MGAT4C: variants seen among roughly 807,000 people sequenced by gnomAD.
MGAT4C encodes the protein MGAT4 family member C.
Under a neutral mutation model 40.1 loss-of-function variants are expected in MGAT4C, and 19 were observed. That is an observed-to-expected ratio of 0.47 (90% CI 0.33 to 0.70). MGAT4C has a LOEUF of 0.70. Among genes scored for constraint, MGAT4C ranks in the 30% least tolerant of loss-of-function variants. The probability of loss-of-function intolerance (pLI) is 0.02; values close to 1 mark genes in which losing one functional copy is unlikely to be tolerated. For missense variants in MGAT4C, 491 were observed against 563.2 expected (o/e 0.87, Z 1.30); for synonymous variants, 181 against 187.1 (o/e 0.97, Z 0.27).
chr12:86,168,059 G>A (rs1886381470), intron 1 of MGAT4C, among the ~76,000 whole-genome samples: 1 of 152,104 alleles, frequency 6.6e-6, no homozygotes. Context: ...AAACTAATTG[G>A]ATTTAAATAT....
intron 2 of MGAT4C, among the ~76,000 whole-genome samples, chr12:86,649,730 T>G (rs1963645141): frequency 6.6e-6 from 1 of 151,824 alleles, no homozygotes; most frequent in Non-Finnish European, 1.5e-5. Flanking sequence ...GGCCGTTATT[T>G]TATGTATTCT....
At chr12:86,320,786 T>C (rs1954365844) in intron 4 of MGAT4C, among the ~76,000 whole-genome samples, 1 of 152,156 alleles carries the variant, frequency 6.6e-6, no homozygotes, top group African/African-American at 2.4e-5. Flanking sequence ...TAGGCATGAA[T>C]CCCTTACTAA....
intron 3 of MGAT4C, among the ~76,000 whole-genome samples, chr12:86,422,420 T>C (rs1592826711): frequency 6.6e-6 from 1 of 152,190 alleles, no homozygotes; most frequent in African/African-American, 2.4e-5. Context: ...AGAACATCAG[T>C]ATCACTGAAA....
intron 1 of MGAT4C, among the ~76,000 whole-genome samples, chr12:86,805,265 A>C (rs2136208800): frequency 6.6e-6 from 1 of 151,946 alleles, no homozygotes; most frequent in Non-Finnish European, 1.5e-5. Flanking sequence ...CAGATTTGTT[A>C]CCTGGGTATA....
intron 3 of MGAT4C, among the ~76,000 whole-genome samples, chr12:86,431,055 G>A (rs61949522): frequency 0.099 from 15,010 of 152,254 alleles, 1,002 homozygotes; most frequent in Middle Eastern, 0.25. Context: ...GGAGGAGATT[G>A]GCATCTCCTT....
intron 1 of MGAT4C, among the ~76,000 whole-genome samples, chr12:86,838,324 A>T (rs1390182154): frequency 6.6e-6 from 1 of 152,214 alleles, no homozygotes; most frequent in Non-Finnish European, 1.5e-5. Flanking sequence ...ACATATGGGT[A>T]AGTGAGTTTC....
intron 1 of MGAT4C, among the ~76,000 whole-genome samples, chr12:86,780,835 A>G (rs899819257): frequency 2.6e-5 from 4 of 152,032 alleles, no homozygotes; most frequent in East Asian, 1.9e-4. Flanking sequence ...TGAGTCTCCA[A>G]TGTCTGTTAT....
chr12:86,267,467 A>G (rs879719294), intron 4 of MGAT4C, among the ~76,000 whole-genome samples: 3 of 152,184 alleles, frequency 2.0e-5, no homozygotes, highest in Non-Finnish European at 2.9e-5. Flanking sequence ...AAGTGGCACC[A>G]CTTCAAAATT....
chr12:86,037,841 T>A (rs905530983), intron 2 of MGAT4C, among the ~76,000 whole-genome samples: 3 of 149,770 alleles, frequency 2.0e-5, no homozygotes, highest in African/African-American at 4.9e-5. Context: ...GCCCTGGATA[T>A]CCTTGTGAAT....
At chr12:86,489,640 T>A (rs1214763113) in intron 2 of MGAT4C, among the ~76,000 whole-genome samples, 3 of 152,202 alleles carry the variant, frequency 2.0e-5, no homozygotes, top group Non-Finnish European at 4.4e-5. Flanking sequence ...TAACTCCTGC[T>A]GGCACTGAAG....
In MGAT4C at chr12:86,408,479, C is replaced by CTCTCTCTA. The variant is rs1267344319; in HGVS notation, c.-120+26677_-120+26678insTAGAGAGA. Among the ~76,000 whole-genome samples, 203 of 63,336 alleles carry CTCTCTCTA rather than the reference C, an allele frequency of 3.2e-3. 1 individual carries two copies. The highest frequency in any genetic ancestry group is 5.6e-3 in the East Asian group (10 of 1,780). 41.6% of individuals were successfully genotyped at this position (63,336 alleles called of 152,430 possible). On this transcript the variant is annotated intron_variant, in intron 3 of 7. Transcript: ENST00000548651. Reference sequence around the variant, plus strand: ...TCTCTCTCTCTCTCTCTCTCTCTCTCTATATATATATATATATATATATAT... The same window carrying CTCTCTCTA: ...TCTCTCTCTCTCTCTCTCTCTCTCTCTCTCTCTATATATATATATATATATATATATAT...
Position 86,632,525 on chromosome 12 carries a change from G to T in MGAT4C, c.-229+94684C>A, listed in dbSNP as rs1346809216. 2.2e-4 allele frequency among the ~76,000 whole-genome samples: 33 copies of T among 152,076 alleles called. 1 individual carries two copies. Among genetic ancestry groups the T allele is most frequent in the Admixed American group, 2.1e-3 (32 of 15,254 alleles). ...CCAGCCCAAATGTCCATCAATGATAGACTGGATTAAGAAAATGGGCACATA... is the reference window on the plus strand; with the variant it reads ...CCAGCCCAAATGTCCATCAATGATATACTGGATTAAGAAAATGGGCACATA... On this transcript the variant is annotated intron_variant, in intron 2 of 7. Coordinates refer to the MGAT4C transcript ENST00000548651.
intron 2 of MGAT4C, among the ~76,000 whole-genome samples, chr12:86,443,738 C>T (rs1352623299): frequency 1.3e-5 from 2 of 152,050 alleles, no homozygotes; most frequent in Non-Finnish European, 2.9e-5. Flanking sequence ...GGACTACAGG[C>T]GCCTGCCACC....
intron 1 of MGAT4C, among the ~76,000 whole-genome samples, chr12:86,248,216 TTCCTTCC>T (rs1952119429): frequency 5.4e-5 from 8 of 149,398 alleles, no homozygotes; most frequent in African/African-American, 1.8e-4. Context: ...CCTTCCTTCC[TTCCTTCC>T]TTCCTTCCTT....
intron 1 of MGAT4C, among the ~76,000 whole-genome samples, chr12:86,212,632 T>C (rs1435900825): frequency 6.6e-6 from 1 of 150,472 alleles, no homozygotes; most frequent in Non-Finnish European, 1.5e-5. Context: ...CTCACGCCTG[T>C]AATCCCAGCA....
chr12:86,597,515 A>G (rs1961588727), intron 2 of MGAT4C, among the ~76,000 whole-genome samples: 1 of 152,216 alleles, frequency 6.6e-6, no homozygotes. Flanking sequence ...AGAATCATGT[A>G]GACTCTGTTA....
chr12:86,627,664 A>C (rs186786811), intron 2 of MGAT4C, among the ~76,000 whole-genome samples: 1 of 152,196 alleles, frequency 6.6e-6, no homozygotes, highest in African/African-American at 2.4e-5. Context: ...GACTGTTAGG[A>C]GGAAAACTAT....
Position 85,972,965 on chromosome 12 carries a change from C to T in MGAT4C, c.*6324G>A, listed in dbSNP as rs956698113. 2.0e-5 allele frequency: 3 copies of T among 150,820 alleles called. No homozygotes were observed. Among genetic ancestry groups the T allele is most frequent in the Non-Finnish European group, 4.5e-5 (3 of 67,112 alleles). The allele number at this position is 150,820 out of a possible 1,614,324, so 9.3% of individuals were successfully genotyped here. A position where few individuals can be genotyped will look rare whatever the true frequency, so the allele number is the denominator to read the frequency against. On this transcript the variant is annotated 3_prime_UTR_variant, in exon 5 of 5. Coordinates refer to ENST00000611864, the MANE Select transcript of MGAT4C (RefSeq NM_001351288.2). The stretch of plus-strand genomic sequence containing the variant: ...TTATGGAGAAAAGAGGCATGTACTA[C>T]CTTAAACATTTTCCAATTGGAACAT...
rs533077407 is a variant in MGAT4C, at chr12:86,341,524, T to G, written c.-119-7397A>C. Among the ~76,000 whole-genome samples the G allele has an allele frequency of 9.8e-5, 15 of 152,302 alleles. No homozygotes were observed. The East Asian group carries it at 2.7e-3, about 27-fold the overall frequency. ...GGCTGAGCAGCAAAAGCCCATAGGC[T>G]GCATTTCCAGAGCACCTCACAAGAT... is the stretch of plus-strand genomic sequence containing the variant. On this transcript the variant is annotated intron_variant, in intron 3 of 7. Coordinates refer to the MGAT4C transcript ENST00000548651.
Sources: allele counts gnomAD v4.1 joint callset (sites outside exome capture counted in the v4.1 genomes callset), GRCh38; gene constraint gnomAD v4.1.1; transcripts MANE v1.5; gene names NCBI Gene and HGNC (gene_info 2026-07-23, HGNC 2026-07-21).